Variants in RAF1 observed in about 807,000 individuals in gnomAD.
The protein encoded by RAF1 is RAF proto-oncogene serine/threonine-protein kinase.
A neutral mutation model predicts 81.1 loss-of-function variants in RAF1; 27 were observed. The observed-to-expected ratio is 0.33, with a 90% confidence interval of 0.25 to 0.46. The LOEUF (loss-of-function observed/expected upper bound fraction) is 0.46, where lower values mean the gene tolerates loss of function less well. RAF1 is among the 20% of genes least tolerant of loss of function. The pLI is 1.00. For missense variants in RAF1, 598 were observed against 826.0 expected, an observed-to-expected ratio of 0.72 and a Z score of 3.38; for synonymous variants, 298 against 294.0, an observed-to-expected ratio of 1.01 and a Z score of -0.14.
chr3:12,611,649 G>A (rs183114885), intron 3 of RAF1, among the ~76,000 whole-genome samples: 5 of 152,188 alleles, frequency 3.3e-5, no homozygotes, highest in Admixed American at 2.6e-4. Context: ...GCGGTGAGCC[G>A]AGATCGCGCC....
At position 12,584,549 on chromosome 3, in the gene RAF1, T is replaced by C. The variant is rs2125315981; in HGVS notation, c.1972A>G (p.Thr658Ala). Residue 658 changes from threonine (T) to alanine (A), a missense_variant, in exon 18 of 18, where the codon ACG becomes GCG. Transcript: ENST00000442415. Reference sequence around the variant, plus strand: ...GGCAGCCTCGGGGACGTGGTCAGCGTGCAAGCATTGATATCCTCAGTGTGG... The same window carrying C: ...GGCAGCCTCGGGGACGTGGTCAGCGCGCAAGCATTGATATCCTCAGTGTGG... The C allele has an allele frequency of 6.2e-7, 1 of 1,614,122 alleles. No homozygotes were observed. The highest frequency in any genetic ancestry group is 1.1e-5 in the South Asian group (1 of 91,084).
chr3:12,603,834 A>C (rs2058940432), intron 7 of RAF1, among the ~76,000 whole-genome samples: 1 of 152,214 alleles, frequency 6.6e-6, no homozygotes, highest in Non-Finnish European at 1.5e-5. Context: ...CACCAAAACT[A>C]AACTGCTCTT....
At chr3:12,605,287 CATAAT>C (rs1041082806) in intron 6 of RAF1, among the ~76,000 whole-genome samples, 13 of 72,858 alleles carry the variant, frequency 1.8e-4, no homozygotes, top group South Asian at 1.5e-3. Flanking sequence ...TGTGTGTATA[CATAAT>C]ATATTTTTTT....
At chr3:12,585,050 T>G in intron 16 of RAF1, 69 bp from the exon 16 acceptor site, 1 of 1,613,962 alleles carries the variant, frequency 6.2e-7, no homozygotes. Flanking sequence ...GTCCTAACCC[T>G]CTAGCTGCTT....
chr3:12,647,613 C>T (rs1312441513), intron 1 of RAF1, among the ~76,000 whole-genome samples: 1 of 149,318 alleles, frequency 6.7e-6, no homozygotes, highest in Non-Finnish European at 1.5e-5. Context: ...AACAAACAAA[C>T]AAAACAAATA....
At chr3:12,586,975 A>G (rs1432588933) in intron 14 of RAF1, 1 of 152,786 alleles carries the variant, frequency 6.5e-6, no homozygotes, top group Non-Finnish European at 1.5e-5. Flanking sequence ...AGCTGGGATT[A>G]TAGGTACGTG....
Position 12,618,649 on chromosome 3 carries a change from A to G in RAF1, c.73T>C (p.Ser25Pro). ...ACTATTGTAGGAGAGATGCAGCTGG[A>G]GCCATCAAACACGGCATCTTTGAAT... is the stretch of plus-strand genomic sequence containing the variant. Residue 25 changes from serine (S) to proline (P), a missense_variant, in exon 2 of 18, where the codon TCC (serine) becomes CCC (proline). Coordinates refer to ENST00000442415, the MANE Select transcript of RAF1 (RefSeq NM_001354689.3). 1 of 1,614,216 alleles carries G rather than the reference A, an allele frequency of 6.2e-7. No individual in the cohort carries two copies. The highest frequency in any genetic ancestry group is 8.5e-7 in the Non-Finnish European group (1 of 1,180,050).
intron 11 of RAF1, among the ~76,000 whole-genome samples, chr3:12,598,725 C>CAAAAAAAAAAAAAAAAAAAAAAA (rs59472802): frequency 1.5e-4 from 9 of 61,992 alleles, no homozygotes; most frequent in Non-Finnish European, 1.9e-4. Context: ...GAATCTATCT[C>CAAAAAAAAAAAAAAAAAAAAAAA]AAAAAAAAAA....
chr3:12,600,524 T>A, intron 8 of RAF1, 109 bp from the exon 8 acceptor site: 2 of 1,230,082 alleles, frequency 1.6e-6, no homozygotes, highest in Non-Finnish European at 2.4e-6. Flanking sequence ...TATAAAAACC[T>A]CTAAAAACCA....
rs774198365 is a variant in RAF1, at chr3:12,590,921, T to C, written c.1307A>G (p.Asn436Ser). Residue 436 changes from asparagine to serine, a missense_variant, in exon 13 of 18, where the codon AAC becomes AGC. Physicochemically the swap from Asn to Ser is conservative, Grantham distance 46 (BLOSUM62 1). Transcript: ENST00000442415. Reference sequence around the variant, plus strand: ...GCACCACTGGGTCACAATTGCCAGGTTGTCCTTTGTCATGTACCCCATGAA... The same window carrying C: ...GCACCACTGGGTCACAATTGCCAGGCTGTCCTTTGTCATGTACCCCATGAA... The C allele has an allele frequency of 3.3e-5, 54 of 1,613,688 alleles. No homozygotes were observed. Among genetic ancestry groups the C allele is most frequent in the East Asian group, 4.5e-5 (2 of 44,892 alleles).
At chr3:12,601,247 G>C (rs2058853178) in intron 8 of RAF1, among the ~76,000 whole-genome samples, 1 of 152,172 alleles carries the variant, frequency 6.6e-6, no homozygotes, top group Non-Finnish European at 1.5e-5. Flanking sequence ...ACTTGGCAGG[G>C]TCACTTGGCA....
At chr3:12,654,258 G>C (rs542811615) in intron 1 of RAF1, among the ~76,000 whole-genome samples, 1 of 151,700 alleles carries the variant, frequency 6.6e-6, no homozygotes, top group South Asian at 2.1e-4. Context: ...AAAGTGCTGG[G>C]ATTATAGGCA....
intron 1 of RAF1, among the ~76,000 whole-genome samples, chr3:12,657,604 T>A (rs2125584320): frequency 6.6e-6 from 1 of 152,076 alleles, no homozygotes; most frequent in South Asian, 2.1e-4. Flanking sequence ...AAACCCCATC[T>A]CTACTAAAAA....
At chr3:12,613,332 GTGCTTGTGAAC>G (rs898336192) in intron 2 of RAF1, among the ~76,000 whole-genome samples, 4 of 152,330 alleles carry the variant, frequency 2.6e-5, no homozygotes, top group Admixed American at 2.6e-4. Context: ...GAGATTTGCA[GTGCTTGTGAAC>G]TGCCTACCAG....
At chr3:12,621,607 T>C (rs1265685615) in intron 1 of RAF1, among the ~76,000 whole-genome samples, 1 of 152,234 alleles carries the variant, frequency 6.6e-6, no homozygotes, top group African/African-American at 2.4e-5. Flanking sequence ...AAGAATGACC[T>C]AGTATTCTAC....
chr3:12,596,030 C>G (rs926183887), intron 11 of RAF1, among the ~76,000 whole-genome samples: 6 of 151,498 alleles, frequency 4.0e-5, no homozygotes, highest in African/African-American at 1.5e-4. Context: ...CACACAGCAC[C>G]ATGGTCAGCT....
intron 1 of RAF1, among the ~76,000 whole-genome samples, chr3:12,651,287 A>G (rs2060515946): frequency 6.6e-6 from 1 of 152,094 alleles, no homozygotes; most frequent in African/African-American, 2.4e-5. Flanking sequence ...ATAATCTCAT[A>G]CCAATATATA....
At chr3:12,585,850 T>C (rs1205966047) in intron 14 of RAF1, 51 bp from the exon 14 acceptor site, 31 of 1,340,372 alleles carry the variant, frequency 2.3e-5, no homozygotes, top group Admixed American at 3.4e-5. Context: ...AGGTTAATTT[T>C]GAAAAATATC....
intron 2 of RAF1, 80 bp from the exon 3 acceptor site, chr3:12,612,142 A>G: frequency 9.1e-7 from 1 of 1,094,128 alleles, no homozygotes; most frequent in Non-Finnish European, 1.4e-6. Flanking sequence ...TAAATGCACC[A>G]GTCTGTATTG....
Sources: gnomAD v4.1 joint callset for allele counts (sites outside exome capture counted in the v4.1 genomes callset) on GRCh38, gnomAD v4.1.1 for gene constraint, MANE v1.5 for transcripts, NCBI Gene and HGNC (gene_info 2026-07-23, HGNC 2026-07-21) for gene names.